PEPD: variants seen among roughly 807,000 people sequenced by gnomAD.
The protein encoded by PEPD is peptidase D, also known as xaa-Pro dipeptidase.
Under a neutral mutation model 60.7 loss-of-function variants are expected in PEPD, and 53 were observed. The ratio of observed to expected loss-of-function variants is 0.87; its 90% CI spans 0.70 to 1.10. The LOEUF (loss-of-function observed/expected upper bound fraction) is 1.10, where lower values mean the gene tolerates loss of function less well. PEPD is among the 50% of genes least tolerant of loss of function. The pLI is 0.00. For synonymous variants in PEPD, 267 were observed against 284.1 expected (o/e 0.94, Z 0.60); for missense variants, 711 against 711.9 (o/e 1.00, Z 0.01).
chr19:33,475,954 G>A (rs1401439435), intron 7 of PEPD, among the ~76,000 whole-genome samples: 2 of 152,146 alleles, frequency 1.3e-5, no homozygotes, highest in African/African-American at 4.8e-5. Context: ...CGACCTCCTG[G>A]GCTCAAGCGA....
At chr19:33,498,985 T>G (rs1970660340) in intron 4 of PEPD, among the ~76,000 whole-genome samples, 1 of 152,086 alleles carries the variant, frequency 6.6e-6, no homozygotes, top group South Asian at 2.1e-4. Context: ...AGGACAACAG[T>G]GTTAAGAAAC....
chr19:33,461,342 T>C (rs557178473), intron 9 of PEPD, among the ~76,000 whole-genome samples: 1 of 150,424 alleles, frequency 6.6e-6, no homozygotes, highest in South Asian at 2.1e-4. Context: ...CTGGAAGGCA[T>C]GAGGGCTAAG....
chr19:33,448,219 A>C (rs1969628396), intron 9 of PEPD, among the ~76,000 whole-genome samples: 1 of 152,216 alleles, frequency 6.6e-6, no homozygotes, highest in African/African-American at 2.4e-5. Context: ...CTCACAGCAT[A>C]ATCACTACTG....
At chr19:33,453,060 G>A (rs1219626156) in intron 9 of PEPD, among the ~76,000 whole-genome samples, 1 of 152,208 alleles carries the variant, frequency 6.6e-6, no homozygotes, top group Non-Finnish European at 1.5e-5. Context: ...GGTGGCTCAC[G>A]CCTATAATCC....
intron 5 of PEPD, among the ~76,000 whole-genome samples, chr19:33,492,795 G>C (rs567709813): frequency 1.2e-4 from 18 of 152,348 alleles, no homozygotes; most frequent in African/African-American, 3.8e-4. Flanking sequence ...AGGTCCCAGG[G>C]AGACTCAAGG....
At chr19:33,501,061 C>T in intron 3 of PEPD, 60 bp from the exon 4 acceptor site, 1 of 1,006,008 alleles carries the variant, frequency 9.9e-7, no homozygotes. Context: ...AGCATGGCCA[C>T]CTTCCTGCCT....
chr19:33,503,960 C>T (rs1970756179), intron 3 of PEPD, among the ~76,000 whole-genome samples: 1 of 152,138 alleles, frequency 6.6e-6, no homozygotes, highest in Non-Finnish European at 1.5e-5. Flanking sequence ...GGAGGGAAGC[C>T]ACCAGGAAAT....
intron 7 of PEPD, among the ~76,000 whole-genome samples, chr19:33,472,538 A>T (rs10408139): frequency 0.5 from 75,360 of 152,092 alleles, 19,236 homozygotes; most frequent in African/African-American, 0.61. Context: ...GCTACAGACC[A>T]AAAATCACAA....
chr19:33,480,149 A>G (rs1037944990), intron 6 of PEPD, among the ~76,000 whole-genome samples: 1 of 152,210 alleles, frequency 6.6e-6, no homozygotes, highest in Non-Finnish European at 1.5e-5. Flanking sequence ...TATATGCTCT[A>G]AAGAGACACA....
At chr19:33,389,793 C>G (rs1968168506) in intron 13 of PEPD, among the ~76,000 whole-genome samples, 1 of 152,272 alleles carries the variant, frequency 6.6e-6, no homozygotes, top group South Asian at 2.1e-4. Flanking sequence ...CCAGCGGGCA[C>G]AGGGCAAGGC....
In PEPD at chr19:33,389,659, C is replaced by T. The variant is rs767609525; in HGVS notation, c.1153-1578G>A. 1.3e-3 allele frequency among the ~76,000 whole-genome samples: 191 copies of T among 152,354 alleles called. 1 individual carries two copies. Among genetic ancestry groups the T allele is most frequent in the Non-Finnish European group, 2.2e-3 (147 of 68,032 alleles). The stretch of plus-strand genomic sequence containing the variant: ...TCACCCCTCCATCCCCATGGGCCCA[C>T]CCCGGCTGCTCCATGGTACACGGTT... On this transcript the variant is annotated intron_variant, in intron 13 of 14. Coordinates refer to ENST00000244137, the MANE Select transcript of PEPD (RefSeq NM_000285.4).
At chr19:33,486,512 T>A (rs188021311) in intron 6 of PEPD, among the ~76,000 whole-genome samples, 5 of 152,004 alleles carry the variant, frequency 3.3e-5, no homozygotes. Context: ...CCCAGGGGCC[T>A]CAGTCCACAG....
intron 11 of PEPD, among the ~76,000 whole-genome samples, chr19:33,402,604 G>A (rs1222866285): frequency 1.3e-5 from 2 of 152,204 alleles, no homozygotes; most frequent in South Asian, 2.1e-4. Flanking sequence ...GGAAGTGCCA[G>A]ACAGCCTCAT....
At position 33,387,491 on chromosome 19, in the gene PEPD, G is replaced by C. The variant is rs370774942; in HGVS notation, c.1345-10C>G. Reference sequence around the variant, plus strand: ...CCTCCTCGATGCGGACCTGGGTCAAGCCGACAGACACACATTATCATAGAG... The same window carrying C: ...CCTCCTCGATGCGGACCTGGGTCAACCCGACAGACACACATTATCATAGAG... On this transcript the variant is annotated splice_polypyrimidine_tract_variant and intron_variant, in intron 14 of 14. Coordinates refer to ENST00000244137, the MANE Select transcript of PEPD (RefSeq NM_000285.4). The C allele has an allele frequency of 6.2e-6, 10 of 1,613,062 alleles. No homozygotes were observed. The African/African-American group carries it at 1.2e-4, about 19-fold the overall frequency.
rs149937491 is a variant in PEPD, at chr19:33,468,058, G to A, written c.549-3996C>T. On this transcript the variant is annotated intron_variant, in intron 7 of 14. Coordinates refer to ENST00000244137, the MANE Select transcript of PEPD (RefSeq NM_000285.4). Reference sequence around the variant, plus strand: ...GAGCAGGAGCCGGGGTGCTATGTGAGGGAATGATGGAGAGGCACGAGCCCT... The same window carrying A: ...GAGCAGGAGCCGGGGTGCTATGTGAAGGAATGATGGAGAGGCACGAGCCCT... Among the ~76,000 whole-genome samples, 199 of 152,290 alleles carry A rather than the reference G, an allele frequency of 1.3e-3. 1 individual carries two copies. The highest frequency in any genetic ancestry group is 4.7e-3 in the African/African-American group (197 of 41,570).
chr19:33,421,647 T>C (rs1248508496), intron 9 of PEPD, among the ~76,000 whole-genome samples: 2 of 152,058 alleles, frequency 1.3e-5, no homozygotes, highest in Admixed American at 1.3e-4. Flanking sequence ...TGCACCACCA[T>C]GCCCAGCTAA....
At chr19:33,427,554 GC>G (rs1969177465) in intron 9 of PEPD, among the ~76,000 whole-genome samples, 1 of 152,232 alleles carries the variant, frequency 6.6e-6, no homozygotes, top group Non-Finnish European at 1.5e-5. Flanking sequence ...ATCGGAGGAT[GC>G]CAGGAATAAC....
chr19:33,488,801 C>T (rs1970443337), intron 6 of PEPD, among the ~76,000 whole-genome samples: 1 of 152,140 alleles, frequency 6.6e-6, no homozygotes, highest in Admixed American at 6.5e-5. Context: ...GCAGCTTGGG[C>T]TCATACATAA....
rs191369442 is a variant in PEPD at position 33,441,159 on chromosome 19, C to T, written c.671+21836G>A. ...GTCTGATCCTGAAGGGATGATGAGCCTGGTTCTACTATCTCCACCAAGCCC... is the reference window on the plus strand; with the variant it reads ...GTCTGATCCTGAAGGGATGATGAGCTTGGTTCTACTATCTCCACCAAGCCC... On this transcript the variant is annotated intron_variant, in intron 9 of 14. Coordinates refer to ENST00000244137, the MANE Select transcript of PEPD (RefSeq NM_000285.4). 9.8e-5 allele frequency among the ~76,000 whole-genome samples: 15 copies of T among 152,322 alleles called. No individual in the cohort carries two copies. The East Asian group carries it at 2.9e-3, about 29-fold the overall frequency.
Sources: allele counts gnomAD v4.1 joint callset (sites outside exome capture counted in the v4.1 genomes callset), GRCh38; gene constraint gnomAD v4.1.1; transcripts MANE v1.5; gene names NCBI Gene and HGNC (gene_info 2026-07-23, HGNC 2026-07-21).